Variants in MBNL1 observed in about 807,000 individuals in gnomAD.
MBNL1 encodes muscleblind-like protein 1.
In MBNL1, 8 loss-of-function variants were observed where a neutral mutation model predicts 42.2. The observed-to-expected ratio is 0.19, with a 90% CI of 0.11 to 0.34. The LOEUF (loss-of-function observed/expected upper bound fraction) is 0.34. MBNL1 is among the 10% of genes least tolerant of loss of function. The pLI is 1.00. For missense variants in MBNL1, 309 were observed against 495.3 expected (o/e 0.62, Z 3.57); for synonymous variants, 169 against 173.9 (o/e 0.97, Z 0.22).
intron 2 of MBNL1, among the ~76,000 whole-genome samples, chr3:152,261,087 T>G (rs1039907869): frequency 9.2e-5 from 14 of 152,158 alleles, no homozygotes; most frequent in Non-Finnish European, 1.9e-4. Flanking sequence ...AACTCTAGCT[T>G]CTTGCAGAGT....
At chr3:152,414,560 T>C (rs1423746870) in intron 2 of MBNL1, among the ~76,000 whole-genome samples, 1 of 152,200 alleles carries the variant, frequency 6.6e-6, no homozygotes, top group East Asian at 1.9e-4. Flanking sequence ...ATATAAAACT[T>C]GGATTCTTAA....
intron 2 of MBNL1, among the ~76,000 whole-genome samples, chr3:152,392,488 C>T (rs2097763700): frequency 6.6e-6 from 1 of 152,212 alleles, no homozygotes; most frequent in Non-Finnish European, 1.5e-5. Context: ...CATACTTATT[C>T]TACTTCTTCC....
chr3:152,258,459 T>C (rs1210706311), intron 2 of MBNL1, among the ~76,000 whole-genome samples: 4 of 152,208 alleles, frequency 2.6e-5, no homozygotes, highest in Non-Finnish European at 4.4e-5. Context: ...TTTCCTGCCC[T>C]GATTCTTCTA....
chr3:152,347,983 G>A (rs1243483373), intron 2 of MBNL1, among the ~76,000 whole-genome samples: 2 of 152,100 alleles, frequency 1.3e-5, no homozygotes, highest in Non-Finnish European at 2.9e-5. Flanking sequence ...ATAATTGGTA[G>A]TATAAATTTT....
intron 4 of MBNL1, among the ~76,000 whole-genome samples, chr3:152,437,478 C>A (rs61055414): frequency 0.061 from 9,231 of 151,530 alleles, 835 homozygotes; most frequent in East Asian, 0.31. Context: ...TGCTCTTATT[C>A]TCTGGGCTTC....
At chr3:152,418,225 C>A (rs1240776399) in intron 3 of MBNL1, among the ~76,000 whole-genome samples, 3 of 152,102 alleles carry the variant, frequency 2.0e-5, no homozygotes, top group Non-Finnish European at 4.4e-5. Context: ...CTGAGAAGTT[C>A]AGAAGGGTTA....
chr3:152,248,009 A>G (rs2033550913), intron 2 of MBNL1, among the ~76,000 whole-genome samples: 1 of 151,762 alleles, frequency 6.6e-6, no homozygotes, highest in South Asian at 2.1e-4. Flanking sequence ...TTTTTTTTTA[A>G]TATGTAGTGG....
chr3:152,421,409 A>G (rs1440251543), intron 3 of MBNL1, among the ~76,000 whole-genome samples: 2 of 152,294 alleles, frequency 1.3e-5, no homozygotes, highest in East Asian at 1.9e-4. Flanking sequence ...GCTAAGATCC[A>G]CTGGCTTCAA....
At chr3:152,273,727 T>C (rs16864120) in intron 1 of MBNL1, among the ~76,000 whole-genome samples, 2,411 of 152,268 alleles carry the variant, frequency 0.016, 57 homozygotes, top group African/African-American at 0.055. Context: ...GGTGAAGATG[T>C]TTCTGAAATA....
chr3:152,453,929 A>G (rs1728536207), intron 6 of MBNL1, among the ~76,000 whole-genome samples: 1 of 152,236 alleles, frequency 6.6e-6, no homozygotes. Flanking sequence ...CTTTAATATT[A>G]CTTAATTATC....
intron 1 of MBNL1, among the ~76,000 whole-genome samples, chr3:152,287,457 G>A (rs2053199504): frequency 6.6e-6 from 1 of 152,184 alleles, no homozygotes; most frequent in Admixed American, 6.5e-5. Context: ...TAGAAACACA[G>A]TAAGCAGTCT....
At chr3:152,451,377 C>T (rs1389529749) in intron 6 of MBNL1, among the ~76,000 whole-genome samples, 1 of 152,156 alleles carries the variant, frequency 6.6e-6, no homozygotes, top group African/African-American at 2.4e-5. Flanking sequence ...TTCAACCATA[C>T]ATCCATCCAT....
chr3:152,327,652 T>G (rs779315177), intron 2 of MBNL1, among the ~76,000 whole-genome samples: 11 of 152,100 alleles, frequency 7.2e-5, no homozygotes, highest in Non-Finnish European at 1.2e-4. Flanking sequence ...ACCGGCTGCT[T>G]TTTTCCTAGA....
At chr3:152,287,077 G>T (rs1371152347) in intron 1 of MBNL1, among the ~76,000 whole-genome samples, 2 of 152,058 alleles carry the variant, frequency 1.3e-5, no homozygotes, top group Non-Finnish European at 2.9e-5. Context: ...AAGTAGCCGG[G>T]TGTGGTGGTG....
intron 1 of MBNL1, among the ~76,000 whole-genome samples, chr3:152,288,738 A>T (rs566427797): frequency 1.1e-4 from 17 of 152,312 alleles, no homozygotes; most frequent in African/African-American, 3.8e-4. Context: ...CAACCCAAAC[A>T]TGTATTCCAA....
At position 152,447,786 on chromosome 3, in the gene MBNL1, G is replaced by A; in HGVS notation, c.961+13G>A. ...TTTCTCCCACCAGGTAAGGGGTGGG[G>A]TTTCTTAATAAATGAATCTGATGAT... On this transcript the variant is annotated intron_variant, in intron 6 of 9. Transcript: ENST00000324210. 6.2e-7 allele frequency: 1 copy of A among 1,609,612 alleles called. No homozygotes were observed. Among genetic ancestry groups the A allele is most frequent in the Non-Finnish European group, 8.5e-7 (1 of 1,176,814 alleles).
At chr3:152,395,183 T>G (rs964350402) in intron 2 of MBNL1, among the ~76,000 whole-genome samples, 2 of 152,300 alleles carry the variant, frequency 1.3e-5, no homozygotes, top group South Asian at 4.1e-4. Context: ...AATTATTATA[T>G]TCACAGTCTA....
intron 2 of MBNL1, among the ~76,000 whole-genome samples, chr3:152,343,367 C>G (rs2093677729): frequency 1.3e-5 from 2 of 152,142 alleles, no homozygotes; most frequent in Admixed American, 6.6e-5. Flanking sequence ...ACCTTGAATG[C>G]TAGTCACAGC....
chr3:152,312,871 T>C (rs2067709400), intron 2 of MBNL1, among the ~76,000 whole-genome samples: 1 of 152,308 alleles, frequency 6.6e-6, no homozygotes, highest in South Asian at 2.1e-4. Context: ...TAATAAAAAT[T>C]ATTTTGTAGC....
Sources: allele counts gnomAD v4.1 joint callset (sites outside exome capture counted in the v4.1 genomes callset), GRCh38; gene constraint gnomAD v4.1.1; transcripts MANE v1.5; gene names NCBI Gene and HGNC (gene_info 2026-07-23, HGNC 2026-07-21).